The following ANKFN1 variants were observed in gnomAD, a reference collection of about 807,000 sequenced individuals.
ANKFN1 encodes the protein ankyrin repeat and fibronectin type III domain containing 1.
ANKFN1 carries 74 observed loss-of-function variants against 108.7 expected under a neutral mutation model. The observed-to-expected ratio is 0.68, with a 90% CI of 0.56 to 0.83. ANKFN1 has a LOEUF of 0.83. ANKFN1 is among the 40% of genes least tolerant of loss of function. The pLI is 0.00. For missense variants in ANKFN1, 1,505 were observed against 1,382.3 expected (o/e 1.09, Z -1.41); for synonymous variants, 547 against 516.2 (o/e 1.06, Z -0.81).
At chr17:56,409,153 G>A (rs555931944) in intron 8 of ANKFN1, among the ~76,000 whole-genome samples, 114 of 152,188 alleles carry the variant, frequency 7.5e-4, no homozygotes, top group African/African-American at 2.6e-3. Context: ...TCGAACTCCT[G>A]ATCTCAGGTG....
chr17:56,187,719 T>C (rs1598202019), intron 1 of ANKFN1, among the ~76,000 whole-genome samples: 2 of 152,192 alleles, frequency 1.3e-5, no homozygotes. Context: ...TAAGAAAATG[T>C]GGCACATATA....
At chr17:56,457,470 G>T in intron 13 of ANKFN1, 81 bp downstream of exon 13, 1 of 1,409,222 alleles carries the variant, frequency 7.1e-7, no homozygotes, top group Non-Finnish European at 9.5e-7. Flanking sequence ...TAGTTGAGGG[G>T]TCTCCAGCGA....
chr17:56,509,198 T>A (rs1039814825), intron 20 of ANKFN1, among the ~76,000 whole-genome samples: 9 of 152,228 alleles, frequency 5.9e-5, no homozygotes, highest in Non-Finnish European at 1.2e-4. Context: ...AGGATAAATT[T>A]TGGGTTCGTG....
chr17:56,210,553 G>A (rs964506494), intron 1 of ANKFN1, among the ~76,000 whole-genome samples: 6 of 152,032 alleles, frequency 3.9e-5, no homozygotes, highest in African/African-American at 1.2e-4. Context: ...GACAAATGTC[G>A]ATTTATGTCC....
intron 4 of ANKFN1, among the ~76,000 whole-genome samples, chr17:56,094,728 G>A (rs565061990): frequency 1.4e-5 from 2 of 147,092 alleles, no homozygotes; most frequent in East Asian, 2.0e-4. Context: ...CACCATGTTG[G>A]CCAGGATGGT....
At chr17:56,333,076 A>G (rs1213461512) in intron 4 of ANKFN1, among the ~76,000 whole-genome samples, 2 of 151,808 alleles carry the variant, frequency 1.3e-5, no homozygotes. Flanking sequence ...TTATAGATTT[A>G]TTAGATTATT....
intron 4 of ANKFN1, among the ~76,000 whole-genome samples, chr17:56,109,178 T>C (rs1905816209): frequency 6.6e-6 from 1 of 152,186 alleles, no homozygotes; most frequent in African/African-American, 2.4e-5. Context: ...TGAGCTTATG[T>C]CAGAGTAACA....
intron 1 of ANKFN1, among the ~76,000 whole-genome samples, chr17:56,173,931 TG>T (rs775682846): frequency 3.3e-5 from 5 of 152,244 alleles, no homozygotes; most frequent in Non-Finnish European, 5.9e-5. Flanking sequence ...ATTAATTACT[TG>T]GCTGACATTC....
At chr17:56,337,995 C>T (rs988899749) in intron 4 of ANKFN1, among the ~76,000 whole-genome samples, 35 of 152,164 alleles carry the variant, frequency 2.3e-4, no homozygotes, top group African/African-American at 7.7e-4. Context: ...TATAAAGGCA[C>T]GTGCACACGT....
chr17:56,464,385 G>A (rs927630648), intron 14 of ANKFN1, among the ~76,000 whole-genome samples: 2 of 152,138 alleles, frequency 1.3e-5, no homozygotes, highest in East Asian at 1.9e-4. Context: ...TTAAGTCAAC[G>A]AAAAGTGGCT....
Position 56,516,724 on chromosome 17 carries a change from T to G in ANKFN1, c.*5455T>G, listed in dbSNP as rs913894533. Among the ~76,000 whole-genome samples, 12 of 151,816 alleles carry G rather than the reference T, an allele frequency of 7.9e-5. No homozygotes were observed. The highest frequency in any genetic ancestry group is 2.9e-4 in the African/African-American group (12 of 41,064). ...AGGTCAGGGATAAATGAGAATTAAGTTAATTTTTCTAATGGCAAGTATTTT... is the reference window on the plus strand; with the variant it reads ...AGGTCAGGGATAAATGAGAATTAAGGTAATTTTTCTAATGGCAAGTATTTT... On this transcript the variant is annotated 3_prime_UTR_variant, in exon 21 of 21. Coordinates refer to ENST00000682825, the MANE Select transcript of ANKFN1 (RefSeq NM_001370326.1).
At chr17:56,148,332 G>A (rs1468255484) in intron 4 of ANKFN1, among the ~76,000 whole-genome samples, 2 of 152,170 alleles carry the variant, frequency 1.3e-5, no homozygotes, top group African/African-American at 4.8e-5. Context: ...TACACGAATG[G>A]GATGATTCTC....
At chr17:56,203,884 C>A (rs1167654764) in intron 1 of ANKFN1, among the ~76,000 whole-genome samples, 20 of 152,156 alleles carry the variant, frequency 1.3e-4, no homozygotes, top group Non-Finnish European at 1.5e-5. Context: ...AAAGATATAA[C>A]TAGCAAAGGA....
chr17:56,114,196 A>C (rs1430532848), intron 4 of ANKFN1, among the ~76,000 whole-genome samples: 1 of 152,234 alleles, frequency 6.6e-6, no homozygotes, highest in Non-Finnish European at 1.5e-5. Context: ...TGAGTCTGCA[A>C]AAGCACCTTT....
chr17:56,500,072 G>A (rs1157827604), intron 20 of ANKFN1, among the ~76,000 whole-genome samples: 1 of 152,194 alleles, frequency 6.6e-6, no homozygotes, highest in Non-Finnish European at 1.5e-5. Flanking sequence ...CTAGCTGTAT[G>A]AGCTTGAACA....
intron 4 of ANKFN1, among the ~76,000 whole-genome samples, chr17:56,137,680 T>C (rs191795096): frequency 6.6e-6 from 1 of 152,150 alleles, no homozygotes; most frequent in East Asian, 1.9e-4. Flanking sequence ...TCAATTGCAA[T>C]AAAGGGAAAG....
At chr17:56,411,488 T>C (rs1466363884) in intron 8 of ANKFN1, among the ~76,000 whole-genome samples, 1 of 152,212 alleles carries the variant, frequency 6.6e-6, no homozygotes, top group African/African-American at 2.4e-5. Context: ...TTTCTTTTTC[T>C]TGCCTAATTT....
At chr17:56,483,240 G>A (rs915226982) in intron 18 of ANKFN1, among the ~76,000 whole-genome samples, 2 of 152,158 alleles carry the variant, frequency 1.3e-5, no homozygotes, top group African/African-American at 4.8e-5. Context: ...TTGTGAATAG[G>A]GAGGCTTTGT....
intron 3 of ANKFN1, among the ~76,000 whole-genome samples, chr17:56,280,299 G>A (rs931813553): frequency 3.9e-5 from 6 of 152,134 alleles, no homozygotes; most frequent in African/African-American, 1.4e-4. Flanking sequence ...TCACTAATGT[G>A]GGAGGGCAGC....
Sources: gnomAD v4.1 joint callset for allele counts (sites outside exome capture counted in the v4.1 genomes callset) on GRCh38, gnomAD v4.1.1 for gene constraint, MANE v1.5 for transcripts, NCBI Gene and HGNC (gene_info 2026-07-23, HGNC 2026-07-21) for gene names.